Variants in UBXN4 observed in about 807,000 individuals in gnomAD.
UBXN4 encodes UBX domain protein 4.
Under a neutral mutation model 66.2 loss-of-function variants are expected in UBXN4, and 35 were observed. That is an observed-to-expected ratio of 0.53 (90% CI 0.40 to 0.70). UBXN4 has a LOEUF of 0.70. UBXN4 is among the 30% of genes least tolerant of loss of function. UBXN4 has a pLI of 0.00. For synonymous variants in UBXN4, 203 were observed against 204.5 expected, an observed-to-expected ratio of 0.99 and a Z score of 0.06; for missense variants, 533 against 599.8, an observed-to-expected ratio of 0.89 and a Z score of 1.16.
chr2:135,782,999 G>C lies in UBXN4; in HGVS notation c.*112G>C. ...ATATTTTCCAACTGGTCTATAAAATGTCTCTTTATTCCTGCTTAGTGGGTG... is the reference window on the plus strand; with the variant it reads ...ATATTTTCCAACTGGTCTATAAAATCTCTCTTTATTCCTGCTTAGTGGGTG... On this transcript the variant is annotated 3_prime_UTR_variant, in exon 13 of 13. Coordinates refer to ENST00000272638, the MANE Select transcript of UBXN4 (RefSeq NM_014607.4). 8.3e-7 allele frequency: 1 copy of C among 1,199,786 alleles called. No homozygotes were observed. Among genetic ancestry groups the C allele is most frequent in the Non-Finnish European group, 1.2e-6 (1 of 860,100 alleles). 74.3% of individuals were successfully genotyped at this position (1,199,786 alleles called of 1,614,324 possible).
At chr2:135,745,486 A>G (rs1027447832) in intron 1 of UBXN4, among the ~76,000 whole-genome samples, 1 of 152,186 alleles carries the variant, frequency 6.6e-6, no homozygotes, top group South Asian at 2.1e-4. Flanking sequence ...AAAATTTTGT[A>G]TACCATTAGA....
At chr2:135,749,912 G>A (rs1251391798) in intron 2 of UBXN4, among the ~76,000 whole-genome samples, 1 of 152,140 alleles carries the variant, frequency 6.6e-6, no homozygotes, top group African/African-American at 2.4e-5. Context: ...CATTTGTTCT[G>A]TGGTTTCCTA....
chr2:135,766,967 T>G (rs543005262), intron 6 of UBXN4, among the ~76,000 whole-genome samples: 1 of 152,286 alleles, frequency 6.6e-6, no homozygotes, highest in East Asian at 1.9e-4. Flanking sequence ...TGTAGAGAAA[T>G]GCTTTGATCT....
intron 1 of UBXN4, among the ~76,000 whole-genome samples, chr2:135,747,348 C>CAAAAAAAA (rs138276089): frequency 1.2e-5 from 1 of 83,514 alleles, no homozygotes. Flanking sequence ...AACTCCATCT[C>CAAAAAAAA]AAAAAAAAAA....
intron 2 of UBXN4, among the ~76,000 whole-genome samples, chr2:135,751,280 G>A (rs564266739): frequency 6.0e-5 from 9 of 150,942 alleles, no homozygotes; most frequent in East Asian, 3.9e-4. Flanking sequence ...TCCGCCTCCC[G>A]GGCTCACGGC....
intron 9 of UBXN4, among the ~76,000 whole-genome samples, chr2:135,775,462 A>G (rs2105507683): frequency 6.6e-6 from 1 of 152,356 alleles, no homozygotes; most frequent in South Asian, 2.1e-4. Flanking sequence ...TTTCAGCAAT[A>G]GGAATAAGAA....
chr2:135,769,911 G>T, intron 7 of UBXN4, 88 bp downstream of exon 7: 1 of 1,164,136 alleles, frequency 8.6e-7, no homozygotes, highest in East Asian at 2.6e-5. Context: ...GGCCTAGGGT[G>T]ACTTCATAGT....
chr2:135,751,684 C>A (rs1266686362), intron 2 of UBXN4, among the ~76,000 whole-genome samples: 2 of 150,956 alleles, frequency 1.3e-5, no homozygotes, highest in East Asian at 1.9e-4. Flanking sequence ...TTGGAGATAG[C>A]GTGCATTGAA....
chr2:135,769,747 GGT>G lies in UBXN4; in HGVS notation c.603-21_603-20del. 1 of 1,380,794 alleles carries G rather than the reference GGT, an allele frequency of 7.2e-7. No homozygotes were observed. Among genetic ancestry groups the G allele is most frequent in the Non-Finnish European group, 9.9e-7 (1 of 1,010,938 alleles). 85.5% of individuals were successfully genotyped at this position (1,380,794 alleles called of 1,614,324 possible). On this transcript the variant is annotated intron_variant, in intron 6 of 12. Transcript: ENST00000272638. ...AATATGATGTGTCTCAATTAGTGGTGGTTTTTTTTTTTTTAATACAGACTAAC... is the reference window on the plus strand; with the variant it reads ...AATATGATGTGTCTCAATTAGTGGTGTTTTTTTTTTTTAATACAGACTAAC...
At chr2:135,757,279 A>T (rs1175193984) in intron 5 of UBXN4, among the ~76,000 whole-genome samples, 2 of 152,156 alleles carry the variant, frequency 1.3e-5, no homozygotes, top group Non-Finnish European at 2.9e-5. Context: ...TGTTAAGCCC[A>T]TCCAGTGAAT....
intron 6 of UBXN4, among the ~76,000 whole-genome samples, chr2:135,767,857 C>T (rs950853727): frequency 4.6e-5 from 7 of 152,166 alleles, no homozygotes; most frequent in African/African-American, 1.7e-4. Context: ...TTCCCCTTAG[C>T]AGTTAAGACA....
chr2:135,775,083 C>T (rs1334638041), intron 9 of UBXN4, among the ~76,000 whole-genome samples: 1 of 152,138 alleles, frequency 6.6e-6, no homozygotes, highest in Non-Finnish European at 1.5e-5. Flanking sequence ...GAAATCAAGT[C>T]AGAACCACAA....
rs2077472228 is a variant in UBXN4 at position 135,784,632 on chromosome 2, A to T, written c.*1745A>T. 2 of 152,634 alleles carry T rather than the reference A, an allele frequency of 1.3e-5. No individual in the cohort carries two copies. The highest frequency in any genetic ancestry group is 4.1e-4 in the South Asian group (2 of 4,832). 9.5% of individuals were successfully genotyped at this position (152,634 alleles called of 1,614,324 possible). A position where few individuals can be genotyped will look rare whatever the true frequency, so the allele number is the denominator to read the frequency against. ...AAAATCTCCAGCAAGCATCTCATTTAAATAAAGGTTTGTCATCTTTAAAAA... is the reference window on the plus strand; with the variant it reads ...AAAATCTCCAGCAAGCATCTCATTTTAATAAAGGTTTGTCATCTTTAAAAA... On this transcript the variant is annotated 3_prime_UTR_variant, in exon 13 of 13. Transcript: ENST00000272638.
At position 135,780,310 on chromosome 2, in the gene UBXN4, C is replaced by G. The variant is rs368272666; in HGVS notation, c.1313C>G (p.Pro438Arg). ...AGCAATTTCTTGTTTAGTAATCCGC[C>G]TCCCACACAGACTTCAGTGAGAGTA... Reference protein sequence around the residue: ...LISNFLFSNPPPTQTSVRVTS... With the variant: ...LISNFLFSNPRPTQTSVRVTS... Residue 438 changes from proline to arginine, a missense_variant, in exon 12 of 13, where the codon CCT becomes CGT. Transcript: ENST00000272638. The G allele has an allele frequency of 1.2e-6, 2 of 1,614,166 alleles. No individual in the cohort carries two copies. Among genetic ancestry groups the G allele is most frequent in the Non-Finnish European group, 1.7e-6 (2 of 1,180,028 alleles).
At chr2:135,763,341 TACTA>T (rs141362277) in intron 6 of UBXN4, among the ~76,000 whole-genome samples, 4,101 of 152,282 alleles carry the variant, frequency 0.027, 194 homozygotes, top group African/African-American at 0.094. Flanking sequence ...ACTGTGAAAC[TACTA>T]GTTTCCCTGT....
At chr2:135,751,616 C>T (rs10164705) in intron 2 of UBXN4, among the ~76,000 whole-genome samples, 147,897 of 150,544 alleles carry the variant, frequency 0.98, 72,690 homozygotes, top group East Asian at 1. Flanking sequence ...AAATTTTCTT[C>T]ATTTCATAAT....
intron 1 of UBXN4, among the ~76,000 whole-genome samples, chr2:135,745,218 C>A (rs538423406): frequency 6.6e-6 from 1 of 152,292 alleles, no homozygotes; most frequent in Non-Finnish European, 1.5e-5. Flanking sequence ...CTTAACTCTT[C>A]AGTCTCTTCT....
intron 6 of UBXN4, among the ~76,000 whole-genome samples, chr2:135,763,271 A>C (rs2077326267): frequency 6.6e-6 from 1 of 152,098 alleles, no homozygotes; most frequent in African/African-American, 2.4e-5. Flanking sequence ...CCTGCCATAG[A>C]CTGTGAAGCT....
chr2:135,759,537 CT>C (rs2077299492), intron 5 of UBXN4, among the ~76,000 whole-genome samples: 1 of 152,050 alleles, frequency 6.6e-6, no homozygotes, highest in Non-Finnish European at 1.5e-5. Context: ...CCTCTATCCC[CT>C]TTATTCCTCT....
Sources: allele counts gnomAD v4.1 joint callset (sites outside exome capture counted in the v4.1 genomes callset), GRCh38; gene constraint gnomAD v4.1.1; transcripts MANE v1.5; gene names NCBI Gene and HGNC (gene_info 2026-07-23, HGNC 2026-07-21).